ENDOV: variants seen among roughly 807,000 people sequenced by gnomAD.
ENDOV encodes the protein endonuclease V.
ENDOV carries 37 observed loss-of-function variants against 39.4 expected under a neutral mutation model. The observed-to-expected ratio is 0.94, with a 90% CI of 0.72 to 1.23. The LOEUF (loss-of-function observed/expected upper bound fraction) is 1.23, where lower values mean the gene tolerates loss of function less well. Among genes scored for constraint, ENDOV ranks in the 50% most tolerant of loss-of-function variants. The pLI, the probability that ENDOV is intolerant of heterozygous loss-of-function variation, is 0.00. For missense variants in ENDOV, 441 were observed against 375.7 expected, an observed-to-expected ratio of 1.17 and a Z score of -1.44; for synonymous variants, 186 against 163.4, an observed-to-expected ratio of 1.14 and a Z score of -1.05.
intron 9 of ENDOV, among the ~76,000 whole-genome samples, chr17:80,433,509 G>A (rs1005730856): frequency 2.0e-5 from 3 of 152,222 alleles, no homozygotes; most frequent in Admixed American, 2.0e-4. Context: ...GTCCTCGAAG[G>A]GAGGCCTGGC....
chr17:80,434,094 A>G (rs866791555), intron 9 of ENDOV, among the ~76,000 whole-genome samples: 3 of 152,314 alleles, frequency 2.0e-5, no homozygotes, highest in Middle Eastern at 3.4e-3. Context: ...GGCACCCAGC[A>G]AGGGCTTCCT....
chr17:80,423,910 G>A, intron 5 of ENDOV: 1 of 477,334 alleles, frequency 2.1e-6, no homozygotes, highest in Non-Finnish European at 3.7e-6. Context: ...GTAGGGCTAA[G>A]TCCTCCAGTT....
At position 80,421,404 on chromosome 17, in the gene ENDOV, G is replaced by A. The variant is rs559509334; in HGVS notation, c.229-424G>A. 8.7e-5 allele frequency among the ~76,000 whole-genome samples: 13 copies of A among 150,198 alleles called. No individual in the cohort carries two copies. The South Asian group carries it at 2.7e-3, about 32-fold the overall frequency. On this transcript the variant is annotated intron_variant, in intron 2 of 9. Transcript: ENST00000518137. ...TCCTCCTATGGACCAGGTCCCAGGG[G>A]CTCCTACTATACACATCAGGTCTGG...
At chr17:80,420,773 G>T (rs559716255) in intron 2 of ENDOV, among the ~76,000 whole-genome samples, 19 of 152,348 alleles carry the variant, frequency 1.2e-4, no homozygotes, top group African/African-American at 4.1e-4. Context: ...TGCCTCCTGG[G>T]TTCAAGCAGT....
intron 2 of ENDOV, among the ~76,000 whole-genome samples, chr17:80,420,824 T>C (rs564157195): frequency 1.3e-5 from 2 of 152,350 alleles, no homozygotes; most frequent in South Asian, 4.1e-4. Flanking sequence ...ATTACAGGCA[T>C]GCGCCACCAC....
In ENDOV at chr17:80,431,060, T is replaced by C. The variant is rs111884894; in HGVS notation, c.838+1229T>C. On this transcript the variant is annotated intron_variant, in intron 9 of 9. Coordinates refer to ENST00000518137, the MANE Select transcript of ENDOV (RefSeq NM_173627.5). ...GGATGCTGGAATCTGCCACAGAGCA[T>C]GAAGAAGTCCCTGGAATCCTTTCTT... 7.0e-3 allele frequency among the ~76,000 whole-genome samples: 1,065 copies of C among 152,282 alleles called. 8 individuals are homozygous for C. Among genetic ancestry groups the C allele is most frequent in the African/African-American group, 0.024 (1,001 of 41,556 alleles).
intron 9 of ENDOV, among the ~76,000 whole-genome samples, chr17:80,431,055 G>C (rs1167381797): frequency 1.3e-5 from 2 of 152,230 alleles, no homozygotes; most frequent in Admixed American, 6.5e-5. Context: ...ATCTGCCACA[G>C]AGCATGAAGA....
chr17:80,431,172 G>A (rs112165477), intron 9 of ENDOV, among the ~76,000 whole-genome samples: 74 of 152,332 alleles, frequency 4.9e-4, no homozygotes, highest in African/African-American at 1.6e-3. Flanking sequence ...GGTCTCTGGC[G>A]CGCCTCCATG....
chr17:80,422,071 TC>T, intron 3 of ENDOV, 109 bp downstream of exon 3: 3 of 1,557,920 alleles, frequency 1.9e-6, no homozygotes, highest in Non-Finnish European at 2.6e-6. Context: ...CTCATGAGCT[TC>T]CTGGAAGAGA....
chr17:80,427,848 A>C (rs1358206602), intron 7 of ENDOV: 1 of 1,279,010 alleles, frequency 7.8e-7, no homozygotes, highest in Non-Finnish European at 1.0e-6. Context: ...GCTCCAGGGG[A>C]AGGTGAGAGG....
intron 9 of ENDOV, among the ~76,000 whole-genome samples, chr17:80,431,174 G>A (rs570175778): frequency 3.8e-4 from 58 of 152,318 alleles, no homozygotes; most frequent in African/African-American, 1.3e-3. Flanking sequence ...TCTCTGGCGC[G>A]CCTCCATGCC....
intron 2 of ENDOV, chr17:80,419,530 T>C (rs965112751): frequency 2.9e-6 from 2 of 698,322 alleles, no homozygotes; most frequent in African/African-American, 1.7e-5. Context: ...CAATGGCTAG[T>C]GTGTTCTGCT....
intron 8 of ENDOV, among the ~76,000 whole-genome samples, chr17:80,428,974 TGAG>T (rs1433350764): frequency 6.6e-6 from 1 of 152,168 alleles, no homozygotes; most frequent in African/African-American, 2.4e-5. Flanking sequence ...ACTTAGCCTG[TGAG>T]GTACCAGGAC....
At position 80,425,036 on chromosome 17, in the gene ENDOV, G is replaced by A. The variant is rs200492190; in HGVS notation, c.521G>A (p.Arg174Gln). 2.8e-5 allele frequency: 45 copies of A among 1,612,056 alleles called. No homozygotes were observed. Among genetic ancestry groups the A allele is most frequent in the South Asian group, 8.8e-5 (8 of 90,570 alleles). The change falls in exon 6 of 10, where the codon CGA becomes CAA. Residue 174 changes from arginine to glutamine, a missense_variant. By Grantham distance (43) the Arg-to-Gln change is conservative. Transcript: ENST00000518137. ...ENNALHKEKI[R>Q]LLQTRGDSFP... Reference sequence around the variant, plus strand: ...ATTTTTCCCTCCATTTTCCAGATCCGACTCCTGCAGACTCGAGGAGACTCA... The same window carrying A: ...ATTTTTCCCTCCATTTTCCAGATCCAACTCCTGCAGACTCGAGGAGACTCA...
chr17:80,432,604 C>T (rs1049838815), intron 9 of ENDOV, among the ~76,000 whole-genome samples: 2 of 152,140 alleles, frequency 1.3e-5, no homozygotes, highest in African/African-American at 2.4e-5. Flanking sequence ...GGCTTAGGCA[C>T]CGCTCTGGGG....
At chr17:80,432,597 T>C (rs2083396766) in intron 9 of ENDOV, among the ~76,000 whole-genome samples, 1 of 152,072 alleles carries the variant, frequency 6.6e-6, no homozygotes. Context: ...AGTCCGGGGC[T>C]TAGGCACCGC....
chr17:80,430,024 CCTCAT>C, intron 9 of ENDOV, 193 bp downstream of exon 9: 1 of 1,536,128 alleles, frequency 6.5e-7, no homozygotes, highest in South Asian at 1.2e-5. Flanking sequence ...CTTAGGGGAA[CCTCAT>C]CTCAGCCGCA....
chr17:80,430,370 C>T (rs938154513), intron 9 of ENDOV: 5 of 1,503,654 alleles, frequency 3.3e-6, no homozygotes, highest in Admixed American at 4.2e-5. Context: ...TTTTTTATTT[C>T]ACATATTTGT....
At chr17:80,430,296 T>G in intron 9 of ENDOV, 1 of 1,507,056 alleles carries the variant, frequency 6.6e-7, no homozygotes, top group Non-Finnish European at 8.8e-7. Context: ...CTGCAGCCTG[T>G]GCTTTGCCCA....
Sources: gnomAD v4.1 joint callset for allele counts (sites outside exome capture counted in the v4.1 genomes callset) on GRCh38, gnomAD v4.1.1 for gene constraint, MANE v1.5 for transcripts, NCBI Gene and HGNC (gene_info 2026-07-23, HGNC 2026-07-21) for gene names.